NRCAM: variants seen among roughly 807,000 people sequenced by gnomAD.
The protein encoded by NRCAM is NgCAM-related cell adhesion molecule.
NRCAM carries 83 observed loss-of-function variants against 156.5 expected under a neutral mutation model. The ratio of observed to expected loss-of-function variants is 0.53; its 90% CI spans 0.44 to 0.64. The LOEUF (loss-of-function observed/expected upper bound fraction) is 0.64, where lower values mean the gene tolerates loss of function less well. Among genes scored for constraint, NRCAM ranks in the 30% least tolerant of loss-of-function variants. The pLI, the probability that NRCAM is intolerant of heterozygous loss-of-function variation, is 0.00. For synonymous variants in NRCAM, 538 were observed against 563.9 expected, an observed-to-expected ratio of 0.95 and a Z score of 0.65; for missense variants, 1,417 against 1,597.3, an observed-to-expected ratio of 0.89 and a Z score of 1.92.
At position 108,150,260 on chromosome 7, in the gene NRCAM, G is replaced by C. The variant is rs533740769; in HGVS notation, c.3678-113C>G. On this transcript the variant is annotated intron_variant, in intron 32 of 32. Transcript: ENST00000379028. ...AGCATTTGGAGTCCTGGGCTTCTCT[G>C]GCCAAATCTAATTTTCAGGTTGACT... 5.6e-5 allele frequency: 47 copies of C among 840,762 alleles called. No homozygotes were observed. In the Middle Eastern group the frequency reaches 1.4e-3, roughly 24 times the overall value. 52.1% of individuals were successfully genotyped at this position (840,762 alleles called of 1,614,324 possible).
At chr7:108,373,423 T>C (rs949080690) in intron 2 of NRCAM, among the ~76,000 whole-genome samples, 1 of 152,180 alleles carries the variant, frequency 6.6e-6, no homozygotes, top group African/African-American at 2.4e-5. Flanking sequence ...GACATGGATA[T>C]GAAATGAATC....
intron 2 of NRCAM, among the ~76,000 whole-genome samples, chr7:108,366,116 A>C (rs910503009): frequency 2.9e-4 from 44 of 152,150 alleles, no homozygotes; most frequent in African/African-American, 1.1e-3. Flanking sequence ...TTGGAAGCAG[A>C]AAGTAACCCT....
intron 28 of NRCAM, among the ~76,000 whole-genome samples, chr7:108,170,803 G>A (rs1036415979): frequency 1.3e-5 from 2 of 152,124 alleles, no homozygotes; most frequent in Non-Finnish European, 2.9e-5. Context: ...TAAAAAAGTT[G>A]TACTTAGAGA....
At position 108,225,620 on chromosome 7, in the gene NRCAM, A is replaced by C. The variant is rs1190218411; in HGVS notation, c.778+25T>G. ...TAAATTCTACAATGAAGGAGAGAAT[A>C]TCAGTTACAATCACCATAACTCACC... On this transcript the variant is annotated intron_variant, in intron 10 of 32. Coordinates refer to ENST00000379028, the MANE Select transcript of NRCAM (RefSeq NM_001037132.4). 3 of 1,409,752 alleles carry C rather than the reference A, an allele frequency of 2.1e-6. No individual in the cohort carries two copies. The African/African-American group carries it at 4.2e-5, about 20-fold the overall frequency. The allele number at this position is 1,409,752 out of a possible 1,614,324, so 87.3% of individuals were successfully genotyped here.
At chr7:108,191,141 C>T in intron 19 of NRCAM, 113 bp downstream of exon 19, 1 of 799,726 alleles carries the variant, frequency 1.3e-6, no homozygotes, top group Admixed American at 2.8e-5. Flanking sequence ...CTGACAGAGA[C>T]CTTTTCCTTA....
chr7:108,177,515 C>A (rs964261808), intron 26 of NRCAM, among the ~76,000 whole-genome samples: 1 of 151,794 alleles, frequency 6.6e-6, no homozygotes, highest in Non-Finnish European at 1.5e-5. Flanking sequence ...CCCAGCTACT[C>A]GGGAGGCTGA....
At chr7:108,394,591 T>C (rs1193407275) in intron 2 of NRCAM, among the ~76,000 whole-genome samples, 2 of 152,064 alleles carry the variant, frequency 1.3e-5, no homozygotes, top group Non-Finnish European at 2.9e-5. Context: ...TGACACTAAA[T>C]AAAACATGAA....
At chr7:108,356,630 C>T (rs2099501072) in intron 2 of NRCAM, among the ~76,000 whole-genome samples, 3 of 152,094 alleles carry the variant, frequency 2.0e-5, no homozygotes, top group Admixed American at 6.5e-5. Context: ...ATTATTACAG[C>T]CTGCCGAAAT....
At chr7:108,423,216 A>C (rs1014496274) in intron 1 of NRCAM, among the ~76,000 whole-genome samples, 3 of 152,118 alleles carry the variant, frequency 2.0e-5, no homozygotes, top group Non-Finnish European at 4.4e-5. Context: ...TACAAAGATC[A>C]GAGGTAGCTG....
At chr7:108,364,777 C>T (rs1008169036) in intron 2 of NRCAM, among the ~76,000 whole-genome samples, 4 of 144,666 alleles carry the variant, frequency 2.8e-5, no homozygotes, top group Non-Finnish European at 4.5e-5. Context: ...TATGAAATGT[C>T]CAAACTAGGC....
At chr7:108,455,546 GC>G (rs1856109535) in intron 1 of NRCAM, among the ~76,000 whole-genome samples, 1 of 152,110 alleles carries the variant, frequency 6.6e-6, no homozygotes, top group South Asian at 2.1e-4. Context: ...CACCTGTAAG[GC>G]CGACAAAGCC....
In NRCAM at chr7:108,191,744, C is replaced by G. The variant is rs1451149485; in HGVS notation, c.1888G>C (p.Val630Leu). The part of the protein sequence containing the change: ...TTLDSVSASA[V>L]LSVVAPTPTP... ...TCGTTCTTACCAACAACGCTAAGCA[C>G]AGCGCTGGCGGAGACGCTGTCCAGA... The change falls in exon 18 of 33, where the codon GTG becomes CTG. Residue 630 changes from valine (V) to leucine (L), a missense_variant. Val to Leu is a conservative substitution (Grantham distance 32). Around this residue, in one of 2 missense-constraint regions of NRCAM, gnomAD observed 1,238 missense variants for 1,336.4 expected, o/e 0.93. Coordinates refer to ENST00000379028, the MANE Select transcript of NRCAM (RefSeq NM_001037132.4). 6.2e-6 allele frequency: 10 copies of G among 1,612,372 alleles called. No homozygotes were observed. The highest frequency in any genetic ancestry group is 8.5e-6 in the Non-Finnish European group (10 of 1,178,794).
At chr7:108,363,236 T>G (rs974092632) in intron 2 of NRCAM, among the ~76,000 whole-genome samples, 2 of 152,170 alleles carry the variant, frequency 1.3e-5, no homozygotes, top group Non-Finnish European at 2.9e-5. Context: ...AAATAATTTA[T>G]GCAGATACTC....
intron 3 of NRCAM, among the ~76,000 whole-genome samples, chr7:108,309,398 T>A (rs1020752683): frequency 1.3e-4 from 20 of 152,206 alleles, no homozygotes; most frequent in African/African-American, 4.8e-4. Flanking sequence ...GTTCTAGGCA[T>A]CCCAGAGTAA....
chr7:108,350,210 C>T (rs1440073147), intron 2 of NRCAM, among the ~76,000 whole-genome samples: 2 of 152,208 alleles, frequency 1.3e-5, no homozygotes, highest in South Asian at 2.1e-4. Context: ...ACCTCCATAA[C>T]CTTACTCTGG....
At chr7:108,390,511 T>C (rs2099756282) in intron 2 of NRCAM, among the ~76,000 whole-genome samples, 1 of 152,222 alleles carries the variant, frequency 6.6e-6, no homozygotes, top group African/African-American at 2.4e-5. Context: ...TGTTGATTTT[T>C]TTAAAAAACC....
intron 13 of NRCAM, among the ~76,000 whole-genome samples, chr7:108,199,588 C>T (rs2076886362): frequency 6.6e-6 from 1 of 152,180 alleles, no homozygotes; most frequent in African/African-American, 2.4e-5. Context: ...GCCCATGGTC[C>T]TCTTCCTCCA....
chr7:108,327,004 T>C (rs1474958591), intron 2 of NRCAM, among the ~76,000 whole-genome samples: 3 of 152,214 alleles, frequency 2.0e-5, no homozygotes, highest in Non-Finnish European at 2.9e-5. Context: ...ACTCTCTTGA[T>C]TATTTCCACT....
chr7:108,251,136 A>G (rs2096320285), intron 3 of NRCAM, among the ~76,000 whole-genome samples: 1 of 152,162 alleles, frequency 6.6e-6, no homozygotes, highest in Non-Finnish European at 1.5e-5. Flanking sequence ...TTCTGTGAGT[A>G]AACTGAGCAT....
Sources: allele counts gnomAD v4.1 joint callset (sites outside exome capture counted in the v4.1 genomes callset), GRCh38; gene constraint gnomAD v4.1.1; regional missense constraint gnomAD v4.1.1; transcripts MANE v1.5; gene names NCBI Gene and HGNC (gene_info 2026-07-23, HGNC 2026-07-21).